The following MAN1C1 variants were observed in gnomAD, a reference collection of about 807,000 sequenced individuals.
The protein encoded by MAN1C1 is mannosyl-oligosaccharide 1,2-alpha-mannosidase IC.
Under a neutral mutation model 71.5 loss-of-function variants are expected in MAN1C1, and 49 were observed. That is an observed-to-expected ratio of 0.69 (90% CI 0.54 to 0.87). MAN1C1 has a LOEUF of 0.87. MAN1C1 is among the 40% of genes least tolerant of loss of function. MAN1C1 has a pLI of 0.00. For missense variants in MAN1C1, 743 were observed against 835.0 expected (o/e 0.89, Z 1.36); for synonymous variants, 352 against 343.7 (o/e 1.02, Z -0.27).
chr1:25,647,537 C>T lies in MAN1C1; in HGVS notation c.540+29200C>T, dbSNP rs1025093164. The stretch of plus-strand genomic sequence containing the variant: ...CCTCGTCTTAACTCCAAGCAATGCC[C>T]CTCTCCTGAGGCCAAGGCAACTGTG... On this transcript the variant is annotated intron_variant, in intron 1 of 11. Transcript: ENST00000374332. 7.3e-5 allele frequency among the ~76,000 whole-genome samples: 11 copies of T among 150,920 alleles called. No homozygotes were observed. The South Asian group carries it at 1.0e-3, about 14-fold the overall frequency.
At chr1:25,760,713 C>T (rs1173512187) in intron 6 of MAN1C1, 2 of 152,242 alleles carry the variant, frequency 1.3e-5, no homozygotes, top group Non-Finnish European at 2.9e-5. Context: ...AAAGGTGGCT[C>T]TCCCGCACTC....
Position 25,626,367 on chromosome 1 carries a change from T to C in MAN1C1, c.540+8030T>C, listed in dbSNP as rs1432905054. Among the ~76,000 whole-genome samples the C allele has an allele frequency of 2.6e-5, 4 of 151,834 alleles. No individual in the cohort carries two copies. The East Asian group carries it at 7.7e-4, about 29-fold the overall frequency. ...TTTGCTATTTCTTTCTTTCTTTCTT[T>C]TTTTTTTTTGAGATGGAGTCTTGCT... On this transcript the variant is annotated intron_variant, in intron 1 of 11. Transcript: ENST00000374332.
intron 6 of MAN1C1, among the ~76,000 whole-genome samples, chr1:25,762,087 C>T (rs1182746713): frequency 1.3e-5 from 2 of 150,562 alleles, no homozygotes; most frequent in African/African-American, 4.9e-5. Context: ...GAATTATATT[C>T]CATTGTGTAT....
intron 1 of MAN1C1, among the ~76,000 whole-genome samples, chr1:25,619,996 A>G (rs1052787596): frequency 5.3e-5 from 8 of 152,078 alleles, no homozygotes; most frequent in African/African-American, 1.7e-4. Flanking sequence ...CAGAAGAGAT[A>G]CTCTCTGTGT....
At chr1:25,722,561 C>T (rs1410169708) in intron 2 of MAN1C1, among the ~76,000 whole-genome samples, 1 of 152,184 alleles carries the variant, frequency 6.6e-6, no homozygotes, top group African/African-American at 2.4e-5. Flanking sequence ...CCAAGAGCTC[C>T]ATTTTATTTT....
At chr1:25,656,116 T>TTTTTTTTTTTTTTTTC in intron 1 of MAN1C1, among the ~76,000 whole-genome samples, 1 of 144,202 alleles carries the variant, frequency 6.9e-6, no homozygotes, top group East Asian at 2.0e-4. Flanking sequence ...TTTTTTTTTT[T>TTTTTTTTTTTTTTTTC]TGAGACAGTC....
chr1:25,673,945 T>C (rs2046029117), intron 1 of MAN1C1, among the ~76,000 whole-genome samples: 2 of 152,238 alleles, frequency 1.3e-5, no homozygotes, highest in South Asian at 2.1e-4. Context: ...CCATTTCGCA[T>C]TGGAATTTCA....
At chr1:25,681,423 C>T (rs972709685) in intron 1 of MAN1C1, among the ~76,000 whole-genome samples, 12 of 152,142 alleles carry the variant, frequency 7.9e-5, no homozygotes, top group Non-Finnish European at 1.5e-5. Flanking sequence ...GTAGGCACCC[C>T]CTTCCTAACA....
chr1:25,617,833 C>A lies in MAN1C1; in HGVS notation c.36C>A (p.Ala12=). Residue 12 remains alanine (A), a synonymous_variant, in exon 1 of 12, where the codon GCC becomes GCA. Transcript: ENST00000374332. This position sits in a 1 kb window ranked among gnomAD's most constrained non-coding sequence, Gnocchi z 5.1. ...LMRKVPGFVP[A]SPWGLRLPQK... ...GGAAAGTGCCCGGCTTCGTCCCGGCCTCCCCGTGGGGGCTGCGGCTGCCGC... is the reference window on the plus strand; with the variant it reads ...GGAAAGTGCCCGGCTTCGTCCCGGCATCCCCGTGGGGGCTGCGGCTGCCGC... 1 of 1,605,360 alleles carries A rather than the reference C, an allele frequency of 6.2e-7. No homozygotes were observed. Among genetic ancestry groups the A allele is most frequent in the Non-Finnish European group, 8.5e-7 (1 of 1,176,916 alleles).
At chr1:25,755,762 T>C (rs1476969793) in intron 5 of MAN1C1, among the ~76,000 whole-genome samples, 1 of 152,192 alleles carries the variant, frequency 6.6e-6, no homozygotes, top group African/African-American at 2.4e-5. Context: ...TGAGTGTACC[T>C]GCCTAGAAGC....
chr1:25,715,938 C>G (rs948975720), intron 2 of MAN1C1, among the ~76,000 whole-genome samples: 4 of 152,192 alleles, frequency 2.6e-5, no homozygotes, highest in Non-Finnish European at 5.9e-5. Flanking sequence ...TCGTCAGGGA[C>G]TTAGGTTCCA....
chr1:25,725,136 T>A lies in MAN1C1; in HGVS notation c.638-21532T>A, dbSNP rs1183408430. ...TCAAAGCACCATTAAAACCCAGCTC[T>A]GGTCAATACCAATGTGGTGTGAAGA... is the stretch of plus-strand genomic sequence containing the variant. On this transcript the variant is annotated intron_variant, in intron 2 of 11. Coordinates refer to ENST00000374332, the MANE Select transcript of MAN1C1 (RefSeq NM_020379.4). The surrounding 1 kb of genome is among the most constrained non-coding windows in gnomAD (Gnocchi z 4.8). Among the ~76,000 whole-genome samples the A allele has an allele frequency of 6.6e-6, 1 of 152,228 alleles. No homozygotes were observed. The highest frequency in any genetic ancestry group is 2.4e-5 in the African/African-American group (1 of 41,462).
intron 2 of MAN1C1, among the ~76,000 whole-genome samples, chr1:25,740,459 C>T (rs1234288564): frequency 6.6e-6 from 1 of 151,932 alleles, no homozygotes; most frequent in East Asian, 1.9e-4. Flanking sequence ...GTTGTTGTGA[C>T]GGAGTCTCGC....
At chr1:25,781,698 C>T (rs1447188446) in intron 10 of MAN1C1, among the ~76,000 whole-genome samples, 1 of 152,098 alleles carries the variant, frequency 6.6e-6, no homozygotes, top group Non-Finnish European at 1.5e-5. Context: ...CCCTATCTCC[C>T]CCACCACCCC....
intron 1 of MAN1C1, among the ~76,000 whole-genome samples, chr1:25,621,565 T>C (rs138109754): frequency 0.011 from 1,643 of 152,310 alleles, 18 homozygotes; most frequent in Non-Finnish European, 0.017. Context: ...GAATTCAGAC[T>C]GCTCTGGGTC....
chr1:25,630,721 G>T (rs3014694), intron 1 of MAN1C1, among the ~76,000 whole-genome samples: 36,006 of 152,046 alleles, frequency 0.24, 4,314 homozygotes, highest in East Asian at 0.37. Context: ...GTTGTTGTTG[G>T]TGTATAGCAG....
chr1:25,681,226 CAAA>C (rs59356271), intron 1 of MAN1C1, among the ~76,000 whole-genome samples: 1 of 106,508 alleles, frequency 9.4e-6, no homozygotes. Flanking sequence ...TACTCCGTCT[CAAA>C]AAAAAAAAAA....
intron 2 of MAN1C1, 121 bp downstream of exon 2, chr1:25,686,657 C>A: frequency 1.3e-6 from 1 of 767,832 alleles, no homozygotes; most frequent in African/African-American, 1.7e-5. Context: ...TTCTCCAGAT[C>A]TGGGGCCTTC....
At chr1:25,715,019 C>T (rs764667091) in intron 2 of MAN1C1, among the ~76,000 whole-genome samples, 4 of 152,172 alleles carry the variant, frequency 2.6e-5, no homozygotes, top group Admixed American at 6.5e-5. Context: ...GCTTGATCCA[C>T]GTCTCAAATG....
Sources: gnomAD v4.1 joint callset for allele counts (sites outside exome capture counted in the v4.1 genomes callset) on GRCh38, gnomAD v4.1.1 for gene constraint, Gnocchi (gnomAD v3.1) non-coding constraint, MANE v1.5 for transcripts, NCBI Gene and HGNC (gene_info 2026-07-23, HGNC 2026-07-21) for gene names.